LRMDA: variants seen among roughly 807,000 people sequenced by gnomAD.
LRMDA encodes the protein leucine-rich melanocyte differentiation-associated protein.
In LRMDA, 18 loss-of-function variants were observed where a neutral mutation model predicts 29.8. That is an observed-to-expected ratio of 0.60 (90% CI 0.42 to 0.90). The LOEUF is 0.90. Ranked by LOEUF, LRMDA falls within the 40% of genes least tolerant of loss-of-function variation. The probability of loss-of-function intolerance (pLI) is 0.00; values close to 1 mark genes in which losing one functional copy is unlikely to be tolerated. For synonymous variants in LRMDA, 125 were observed against 109.4 expected, an observed-to-expected ratio of 1.14 and a Z score of -0.89; for missense variants, 273 against 273.9, an observed-to-expected ratio of 1.00 and a Z score of 0.02.
At chr10:75,737,595 A>G (rs1250277557) in intron 2 of LRMDA, among the ~76,000 whole-genome samples, 2 of 152,190 alleles carry the variant, frequency 1.3e-5, no homozygotes, top group Non-Finnish European at 2.9e-5. Context: ...CCAGAGATAC[A>G]AAGACTTCAG....
intron 6 of LRMDA, among the ~76,000 whole-genome samples, chr10:76,493,485 A>C (rs1842853593): frequency 6.6e-6 from 1 of 152,088 alleles, no homozygotes. Context: ...ATTTTTAAGA[A>C]GATTATCCTT....
chr10:75,976,922 G>A (rs568516161), intron 2 of LRMDA, among the ~76,000 whole-genome samples: 17 of 152,258 alleles, frequency 1.1e-4, no homozygotes, highest in African/African-American at 3.9e-4. Context: ...GCTCAGTAGA[G>A]CTTTGTTGGG....
chr10:75,733,690 A>C (rs1218633284), intron 2 of LRMDA, among the ~76,000 whole-genome samples: 1 of 152,186 alleles, frequency 6.6e-6, no homozygotes, highest in African/African-American at 2.4e-5. Context: ...AAGGGAAAGG[A>C]AGGGGAAGGG....
At chr10:75,740,869 A>G (rs1842820332) in intron 2 of LRMDA, among the ~76,000 whole-genome samples, 1 of 152,176 alleles carries the variant, frequency 6.6e-6, no homozygotes, top group South Asian at 2.1e-4. Context: ...GTAAGAGTAT[A>G]TTGCATTGAT....
intron 5 of LRMDA, among the ~76,000 whole-genome samples, chr10:76,230,928 C>T (rs1486403067): frequency 6.6e-6 from 1 of 152,100 alleles, no homozygotes; most frequent in Non-Finnish European, 1.5e-5. Flanking sequence ...TATTTTACAG[C>T]TTCTTTATAA....
intron 2 of LRMDA, among the ~76,000 whole-genome samples, chr10:75,654,052 G>A (rs761336870): frequency 1.7e-4 from 25 of 151,212 alleles, no homozygotes; most frequent in Non-Finnish European, 3.2e-4. Context: ...ACTGCCCCTC[G>A]TGATCAGGCA....
At chr10:76,222,974 G>T (rs1851874755) in intron 5 of LRMDA, among the ~76,000 whole-genome samples, 1 of 152,156 alleles carries the variant, frequency 6.6e-6, no homozygotes, top group Non-Finnish European at 1.5e-5. Context: ...TAGGGACATA[G>T]ATGAAATTGG....
chr10:75,698,132 CAG>C (rs1331149808), intron 2 of LRMDA, among the ~76,000 whole-genome samples: 1 of 152,200 alleles, frequency 6.6e-6, no homozygotes, highest in Non-Finnish European at 1.5e-5. Context: ...AGTCTGGCCT[CAG>C]AGCTGGCAGG....
intron 2 of LRMDA, among the ~76,000 whole-genome samples, chr10:75,887,165 T>A (rs953191868): frequency 2.0e-5 from 3 of 150,100 alleles, no homozygotes; most frequent in African/African-American, 7.3e-5. Context: ...GTAATATTTA[T>A]ATATAAATAT....
chr10:75,860,172 A>G (rs1844898723), intron 2 of LRMDA, among the ~76,000 whole-genome samples: 1 of 152,116 alleles, frequency 6.6e-6, no homozygotes, highest in South Asian at 2.1e-4. Flanking sequence ...TTATGAGAGG[A>G]GCCCAAGAGG....
chr10:75,459,783 G>A (rs1054437606), intron 2 of LRMDA, among the ~76,000 whole-genome samples: 1 of 152,144 alleles, frequency 6.6e-6, no homozygotes, highest in Admixed American at 6.5e-5. Context: ...CATCTGATGA[G>A]GGCCTTCTTG....
chr10:76,323,396 C>G (rs1366928481), intron 5 of LRMDA, among the ~76,000 whole-genome samples: 1 of 151,980 alleles, frequency 6.6e-6, no homozygotes, highest in East Asian at 1.9e-4. Flanking sequence ...ATTTCCCGCT[C>G]CGGAAAGAAA....
chr10:75,747,912 A>C (rs955088495), intron 2 of LRMDA, among the ~76,000 whole-genome samples: 2 of 152,204 alleles, frequency 1.3e-5, no homozygotes, highest in Admixed American at 6.5e-5. Context: ...AATACCATTA[A>C]GAAAGTCAAA....
chr10:76,560,033 CAT>C lies in LRMDA; in HGVS notation c.*2747_*2748del, dbSNP rs1843604105. On this transcript the variant is annotated 3_prime_UTR_variant, in exon 7 of 7. Coordinates refer to ENST00000611255, the MANE Select transcript of LRMDA (RefSeq NM_001305581.2). ...TGCTTTTACTTTTACCAGCCTCACTCATAAACCCTCCATCTGTTTGTTGCTTT... is the reference window on the plus strand; with the variant it reads ...TGCTTTTACTTTTACCAGCCTCACTCAAACCCTCCATCTGTTTGTTGCTTT... 1 of 152,226 alleles carries C rather than the reference CAT, an allele frequency of 6.6e-6. No individual in the cohort carries two copies. The highest frequency in any genetic ancestry group is 1.5e-5 in the Non-Finnish European group (1 of 68,056). 9.4% of individuals were successfully genotyped at this position (152,226 alleles called of 1,614,324 possible).
intron 2 of LRMDA, among the ~76,000 whole-genome samples, chr10:75,935,347 G>A (rs1846271482): frequency 6.6e-6 from 1 of 152,196 alleles, no homozygotes; most frequent in South Asian, 2.1e-4. Flanking sequence ...GGTACTGATT[G>A]GAAGCATGAT....
intron 2 of LRMDA, among the ~76,000 whole-genome samples, chr10:75,741,324 C>T (rs1420295386): frequency 1.3e-5 from 2 of 152,084 alleles, no homozygotes; most frequent in Non-Finnish European, 2.9e-5. Context: ...ATTCTCAGAC[C>T]ACATGCCCGC....
chr10:75,671,501 C>G (rs1332381928), intron 2 of LRMDA, among the ~76,000 whole-genome samples: 1 of 152,132 alleles, frequency 6.6e-6, no homozygotes, highest in Admixed American at 6.5e-5. Flanking sequence ...ATGGGTGAAG[C>G]TGGAAACCAT....
At chr10:76,456,955 G>A (rs1177685342) in intron 6 of LRMDA, among the ~76,000 whole-genome samples, 1 of 152,168 alleles carries the variant, frequency 6.6e-6, no homozygotes, top group African/African-American at 2.4e-5. Flanking sequence ...GTTGAAGATA[G>A]GAAGTTGAGT....
intron 5 of LRMDA, among the ~76,000 whole-genome samples, chr10:76,111,893 G>A (rs1402194071): frequency 2.0e-5 from 3 of 152,148 alleles, no homozygotes; most frequent in Non-Finnish European, 4.4e-5. Context: ...GAGCGTAGGT[G>A]ACGCCAACGT....
Sources: gnomAD v4.1 joint callset for allele counts (sites outside exome capture counted in the v4.1 genomes callset) on GRCh38, gnomAD v4.1.1 for gene constraint, MANE v1.5 for transcripts, NCBI Gene and HGNC (gene_info 2026-07-23, HGNC 2026-07-21) for gene names.